Variants in TMEM132C observed in about 807,000 individuals in gnomAD.
TMEM132C encodes transmembrane protein 132C, also known as protein phosphatase 1, regulatory subunit 152.
TMEM132C carries 29 observed loss-of-function variants against 61.4 expected under a neutral mutation model. The ratio of observed to expected loss-of-function variants is 0.47; its 90% CI spans 0.35 to 0.64. The LOEUF (loss-of-function observed/expected upper bound fraction) is 0.64. Ranked by LOEUF, TMEM132C falls within the 30% of genes least tolerant of loss-of-function variation. TMEM132C has a pLI of 0.00. For synonymous variants in TMEM132C, 656 were observed against 633.1 expected (o/e 1.04, Z -0.54); for missense variants, 1,408 against 1,476.9 (o/e 0.95, Z 0.76).
At chr12:128,542,859 CAAAAAA>C (rs59362697) in intron 2 of TMEM132C, among the ~76,000 whole-genome samples, 4,850 of 81,556 alleles carry the variant, frequency 0.059, 458 homozygotes, top group East Asian at 0.47. Flanking sequence ...TACTTCGATG[CAAAAAA>C]AAAAAAAAAA....
intron 1 of TMEM132C, among the ~76,000 whole-genome samples, chr12:128,296,866 A>G (rs1279631265): frequency 6.6e-6 from 1 of 152,210 alleles, no homozygotes; most frequent in Non-Finnish European, 1.5e-5. Context: ...AACCAGCATT[A>G]AAATAAATAT....
At position 128,695,945 on chromosome 12, in the gene TMEM132C, G is replaced by A. The variant is rs553310471; in HGVS notation, c.1771G>A (p.Gly591Ser). The A allele has an allele frequency of 1.0e-4, 160 of 1,551,756 alleles. No homozygotes were observed. The highest frequency in any genetic ancestry group is 2.4e-4 in the Admixed American group (12 of 51,012). ...VLTQFVSEGA[G>S]PWGQPNYLLS... ...CACCCAGTTTGTGTCTGAGGGCGCC[G>A]GTCCATGGGGCCAGCCGAACTACCT... The change falls in exon 7 of 9, where the codon GGT (glycine) becomes AGT (serine). Residue 591 changes from glycine to serine, a missense_variant. Gly to Ser is a moderately conservative substitution (Grantham distance 56, BLOSUM62 0). Transcript: ENST00000435159.
At chr12:128,635,462 CTTTTTTTT>C (rs372811916) in intron 4 of TMEM132C, among the ~76,000 whole-genome samples, 2,368 of 130,446 alleles carry the variant, frequency 0.018, 67 homozygotes, top group African/African-American at 0.062. Context: ...TGAGTTTTTT[CTTTTTTTT>C]TTTTTTTTGG....
chr12:128,417,843 TATTCTCAAA>T (rs1285924384), intron 2 of TMEM132C, among the ~76,000 whole-genome samples: 6 of 152,196 alleles, frequency 3.9e-5, no homozygotes, highest in South Asian at 2.1e-4. Context: ...CTACCAAGTT[TATTCTCAAA>T]ATTCTATTAT....
intron 2 of TMEM132C, among the ~76,000 whole-genome samples, chr12:128,529,223 C>G (rs113497412): frequency 3.9e-5 from 6 of 152,000 alleles, no homozygotes; most frequent in East Asian, 1.9e-4. Flanking sequence ...TCCATCAGGA[C>G]TCAGTGTATG....
intron 1 of TMEM132C, among the ~76,000 whole-genome samples, chr12:128,313,229 T>C (rs1358082919): frequency 1.3e-5 from 2 of 152,220 alleles, no homozygotes; most frequent in African/African-American, 4.8e-5. Flanking sequence ...AGAGCAGATG[T>C]TTTAATCTCT....
intron 2 of TMEM132C, among the ~76,000 whole-genome samples, chr12:128,466,808 G>A (rs1010118171): frequency 7.2e-5 from 11 of 152,158 alleles, no homozygotes; most frequent in African/African-American, 1.9e-4. Context: ...ATGAGCCACC[G>A]CACCTGGCCA....
intron 2 of TMEM132C, among the ~76,000 whole-genome samples, chr12:128,457,201 G>T (rs1253916921): frequency 6.6e-6 from 1 of 151,318 alleles, no homozygotes; most frequent in South Asian, 2.1e-4. Context: ...TTTAGGAACT[G>T]CCAGTTTTTC....
chr12:128,325,420 C>A (rs1872475061), intron 1 of TMEM132C, among the ~76,000 whole-genome samples: 1 of 152,026 alleles, frequency 6.6e-6, no homozygotes, highest in East Asian at 1.9e-4. Context: ...TTGCTGTGAT[C>A]CTTCCAGAAA....
At chr12:128,273,114 A>C (rs1870576086) in intron 1 of TMEM132C, among the ~76,000 whole-genome samples, 1 of 152,122 alleles carries the variant, frequency 6.6e-6, no homozygotes, top group Admixed American at 6.5e-5. Context: ...CTATATTCCT[A>C]CTGATCTGTT....
intron 1 of TMEM132C, among the ~76,000 whole-genome samples, chr12:128,289,890 T>C (rs1310106357): frequency 2.0e-5 from 3 of 152,226 alleles, no homozygotes; most frequent in African/African-American, 7.2e-5. Flanking sequence ...AAAGGTCCTA[T>C]GTTTCACCTC....
chr12:128,410,706 G>C (rs1228217681), intron 1 of TMEM132C, among the ~76,000 whole-genome samples: 13 of 152,016 alleles, frequency 8.6e-5, no homozygotes, highest in Admixed American at 8.5e-4. Flanking sequence ...GCCTGGCCCT[G>C]AATATGTGTT....
chr12:128,384,744 C>T (rs1376351202), intron 1 of TMEM132C, among the ~76,000 whole-genome samples: 1 of 152,240 alleles, frequency 6.6e-6, no homozygotes, highest in Non-Finnish European at 1.5e-5. Flanking sequence ...TCCAAATCCA[C>T]CTCCCACAGT....
chr12:128,535,301 A>G (rs534839277), intron 2 of TMEM132C, among the ~76,000 whole-genome samples: 76 of 152,362 alleles, frequency 5.0e-4, no homozygotes, highest in Non-Finnish European at 9.1e-4. Flanking sequence ...GTGAACAGGC[A>G]ACCTACAGAA....
chr12:128,322,597 G>A (rs1019198475), intron 1 of TMEM132C, among the ~76,000 whole-genome samples: 3 of 152,158 alleles, frequency 2.0e-5, no homozygotes, highest in Admixed American at 6.5e-5. Context: ...TCATCTTTTC[G>A]CACGCCCGTC....
intron 2 of TMEM132C, among the ~76,000 whole-genome samples, chr12:128,447,281 GGAGA>G (rs1235428350): frequency 1.3e-5 from 2 of 152,130 alleles, no homozygotes; most frequent in Non-Finnish European, 2.9e-5. Context: ...CCTGTGGCAG[GGAGA>G]GAAAGAATAC....
At chr12:128,471,648 T>G (rs978605901) in intron 2 of TMEM132C, among the ~76,000 whole-genome samples, 17 of 152,154 alleles carry the variant, frequency 1.1e-4, no homozygotes, top group Admixed American at 4.6e-4. Flanking sequence ...GTGAGACTGC[T>G]TGGGTGTAAT....
chr12:128,586,103 A>G (rs991810358), intron 3 of TMEM132C, among the ~76,000 whole-genome samples: 1 of 152,198 alleles, frequency 6.6e-6, no homozygotes, highest in African/African-American at 2.4e-5. Context: ...GAATATATGT[A>G]TCAATGCATA....
chr12:128,648,248 G>A (rs112006930), intron 4 of TMEM132C, among the ~76,000 whole-genome samples: 3,674 of 117,160 alleles, frequency 0.031, 238 homozygotes, highest in African/African-American at 0.11. Context: ...GTTGGATGTG[G>A]GTGTGTTTAC....
Sources: allele counts gnomAD v4.1 joint callset (sites outside exome capture counted in the v4.1 genomes callset), GRCh38; gene constraint gnomAD v4.1.1; transcripts MANE v1.5; gene names NCBI Gene and HGNC (gene_info 2026-07-23, HGNC 2026-07-21).